TSHZ2: variants seen among roughly 807,000 people sequenced by gnomAD.
The protein encoded by TSHZ2 is teashirt zinc finger homeobox 2, also known as teashirt homolog 2.
TSHZ2 carries 21 observed loss-of-function variants against 74.4 expected under a neutral mutation model. That is an observed-to-expected ratio of 0.28 (90% CI 0.20 to 0.41). The LOEUF (loss-of-function observed/expected upper bound fraction) is 0.41, where lower values mean the gene tolerates loss of function less well. Among genes scored for constraint, TSHZ2 ranks in the 10% least tolerant of loss-of-function variants. TSHZ2 has a pLI of 1.00. For missense variants in TSHZ2, 1,244 were observed against 1,293.5 expected, an observed-to-expected ratio of 0.96 and a Z score of 0.59; for synonymous variants, 540 against 515.3, an observed-to-expected ratio of 1.05 and a Z score of -0.65.
rs576920252 is a variant in TSHZ2 at position 53,139,493 on chromosome 20, G to A, written c.41-114006G>A. On this transcript the variant is annotated intron_variant, in intron 1 of 2. Transcript: ENST00000371497. ...CCTGCGTTTACTCTGCCCTGCTGTG[G>A]TACCAGCTGCCAGCCTGGAGTACTT... Among the ~76,000 whole-genome samples, 3 of 152,260 alleles carry A rather than the reference G, an allele frequency of 2.0e-5. No individual in the cohort carries two copies. The South Asian group carries it at 6.2e-4, about 32-fold the overall frequency.
chr20:53,414,287 T>G (rs950023776), intron 2 of TSHZ2, among the ~76,000 whole-genome samples: 1 of 152,208 alleles, frequency 6.6e-6, no homozygotes, highest in African/African-American at 2.4e-5. Flanking sequence ...ACTAAGTTCT[T>G]GTACTGTTTT....
chr20:53,120,624 C>A (rs917324272), intron 1 of TSHZ2, among the ~76,000 whole-genome samples: 2 of 151,880 alleles, frequency 1.3e-5, no homozygotes, highest in African/African-American at 2.4e-5. Flanking sequence ...GAAATTACAC[C>A]CTGTAACAAA....
intron 1 of TSHZ2, among the ~76,000 whole-genome samples, chr20:53,176,315 G>T (rs1348084303): frequency 1.3e-5 from 2 of 152,172 alleles, no homozygotes; most frequent in Non-Finnish European, 2.9e-5. Context: ...ATCCTTAAAA[G>T]TTGCTGAACA....
chr20:53,295,154 A>G (rs1991352198), intron 2 of TSHZ2, among the ~76,000 whole-genome samples: 1 of 152,228 alleles, frequency 6.6e-6, no homozygotes, highest in African/African-American at 2.4e-5. Context: ...AGGTTCATGG[A>G]TTGACACTAA....
At chr20:53,055,373 C>G (rs931090703) in intron 1 of TSHZ2, among the ~76,000 whole-genome samples, 1 of 152,206 alleles carries the variant, frequency 6.6e-6, no homozygotes, top group Non-Finnish European at 1.5e-5. Context: ...GTGAAATTAT[C>G]TCACTGTGCC....
intron 2 of TSHZ2, among the ~76,000 whole-genome samples, chr20:53,283,451 G>A (rs1344695280): frequency 1.3e-5 from 2 of 152,196 alleles, no homozygotes; most frequent in Admixed American, 6.5e-5. Context: ...AGTACCTAAA[G>A]TCAACAGAAA....
chr20:53,139,702 T>G (rs531740232), intron 1 of TSHZ2, among the ~76,000 whole-genome samples: 1 of 149,630 alleles, frequency 6.7e-6, no homozygotes, highest in African/African-American at 2.4e-5. Context: ...TTACAATAAT[T>G]TATCATGATG....
chr20:53,051,027 A>T (rs1984439133), intron 1 of TSHZ2, among the ~76,000 whole-genome samples: 1 of 152,208 alleles, frequency 6.6e-6, no homozygotes. Context: ...GTATTTCCTA[A>T]CAGAACTCCT....
chr20:53,365,201 A>T (rs1739713695), intron 2 of TSHZ2, among the ~76,000 whole-genome samples: 1 of 152,364 alleles, frequency 6.6e-6, no homozygotes, highest in South Asian at 2.1e-4. Context: ...AACTTTTGTC[A>T]TGAGGACTGA....
intron 1 of TSHZ2, among the ~76,000 whole-genome samples, chr20:53,090,928 T>C (rs1985867336): frequency 6.6e-6 from 1 of 152,226 alleles, no homozygotes; most frequent in African/African-American, 2.4e-5. Flanking sequence ...CTTGATACCA[T>C]TTAATATTTA....
intron 1 of TSHZ2, among the ~76,000 whole-genome samples, chr20:53,015,439 C>T (rs1381368432): frequency 1.3e-5 from 2 of 152,122 alleles, no homozygotes; most frequent in Admixed American, 6.6e-5. Flanking sequence ...TTCTACAATA[C>T]ACAGAACACC....
rs1600665734 is a variant in TSHZ2, at chr20:53,050,109, A to ATATATACACACATACATATATATATGTG, written c.40+76782_40+76783insCACACATACATATATATATGTGTATATA. 3.1e-5 allele frequency among the ~76,000 whole-genome samples: 3 copies of ATATATACACACATACATATATATATGTG among 95,534 alleles called. No individual in the cohort carries two copies. In the East Asian group the frequency reaches 1.1e-3, roughly 34 times the overall value. 62.7% of individuals were successfully genotyped at this position (95,534 alleles called of 152,430 possible). On this transcript the variant is annotated intron_variant, in intron 1 of 2. Coordinates refer to ENST00000371497, the MANE Select transcript of TSHZ2 (RefSeq NM_173485.6). ...AAAAAAAATGTATATGTGTGTATAT[A>ATATATACACACATACATATATATATGTG]TATATATATATATATACACATATAT...
intron 2 of TSHZ2, among the ~76,000 whole-genome samples, chr20:53,481,529 A>G (rs1470907060): frequency 6.6e-6 from 1 of 151,920 alleles, no homozygotes; most frequent in East Asian, 1.9e-4. Flanking sequence ...AACAAAGATC[A>G]TGCCACTGTA....
chr20:53,433,814 T>A (rs1983939663), intron 2 of TSHZ2, among the ~76,000 whole-genome samples: 1 of 152,210 alleles, frequency 6.6e-6, no homozygotes, highest in African/African-American at 2.4e-5. Flanking sequence ...TAATTGATCA[T>A]CAAATGTTGA....
intron 1 of TSHZ2, among the ~76,000 whole-genome samples, chr20:52,994,505 C>A (rs1183849855): frequency 6.6e-6 from 1 of 151,930 alleles, no homozygotes; most frequent in Admixed American, 6.6e-5. Context: ...ATCTGTGGCT[C>A]CCTAGGAATT....
In TSHZ2 at chr20:53,074,143, T is replaced by C. The variant is rs1286124071; in HGVS notation, c.40+100810T>C. On this transcript the variant is annotated intron_variant, in intron 1 of 2. Transcript: ENST00000371497. This position sits in a 1 kb window ranked among gnomAD's most constrained non-coding sequence, Gnocchi z 5.9. Reference sequence around the variant, plus strand: ...ATCCTTGGTGAACTCTTATGTATCTTTTAAACTGCTGTTCAAATGTCGCCT... The same window carrying C: ...ATCCTTGGTGAACTCTTATGTATCTCTTAAACTGCTGTTCAAATGTCGCCT... Among the ~76,000 whole-genome samples, 1 of 152,250 alleles carries C rather than the reference T, an allele frequency of 6.6e-6. No individual in the cohort carries two copies. The highest frequency in any genetic ancestry group is 2.4e-5 in the African/African-American group (1 of 41,472).
intron 1 of TSHZ2, among the ~76,000 whole-genome samples, chr20:53,206,134 G>A (rs182965333): frequency 3.9e-5 from 6 of 152,276 alleles, no homozygotes; most frequent in South Asian, 4.2e-4. Context: ...CAGGAGAATC[G>A]TTTGAACCTG....
chr20:53,451,340 A>AATCTT (rs1389884089), intron 2 of TSHZ2, among the ~76,000 whole-genome samples: 1 of 152,224 alleles, frequency 6.6e-6, no homozygotes, highest in Non-Finnish European at 1.5e-5. Context: ...CTATTTTGGA[A>AATCTT]ATCTTATCTA....
chr20:53,454,390 C>G (rs571197636), intron 2 of TSHZ2, among the ~76,000 whole-genome samples: 18 of 151,920 alleles, frequency 1.2e-4, no homozygotes, highest in African/African-American at 4.4e-4. Flanking sequence ...GGTGACACCC[C>G]ATCTTTACTA....
Sources: gnomAD v4.1 joint callset for allele counts (sites outside exome capture counted in the v4.1 genomes callset) on GRCh38, gnomAD v4.1.1 for gene constraint, Gnocchi (gnomAD v3.1) non-coding constraint, MANE v1.5 for transcripts, NCBI Gene and HGNC (gene_info 2026-07-23, HGNC 2026-07-21) for gene names.